The following MAN1C1 variants were observed in gnomAD, a reference collection of about 807,000 sequenced individuals.
MAN1C1 encodes the protein mannosyl-oligosaccharide 1,2-alpha-mannosidase IC.
Under a neutral mutation model 71.5 loss-of-function variants are expected in MAN1C1, and 49 were observed. That is an observed-to-expected ratio of 0.69 (90% CI 0.54 to 0.87). The LOEUF is 0.87. Ranked by LOEUF, MAN1C1 falls within the 40% of genes least tolerant of loss-of-function variation. The pLI, the probability that MAN1C1 is intolerant of heterozygous loss-of-function variation, is 0.00. For synonymous variants in MAN1C1, 352 were observed against 343.7 expected (o/e 1.02, Z -0.27); for missense variants, 743 against 835.0 (o/e 0.89, Z 1.36).
chr1:25,758,680 C>G lies in MAN1C1; in HGVS notation c.1018C>G (p.Leu340Val), dbSNP rs756989292. The G allele has an allele frequency of 1.9e-6, 3 of 1,614,154 alleles. No individual in the cohort carries two copies. The Admixed American group carries it at 5.0e-5, about 27-fold the overall frequency. The part of the protein sequence containing the change: ...LHLEFLHLTE[L>V]SGNQVFAEKV... ...CTTGGAATTCTTACACCTCACTGAA[C>G]TCTCTGGCAACCAGGTCTTCGCTGA... Residue 340 changes from leucine (L) to valine (V), a missense_variant, in exon 6 of 12, where the codon CTC becomes GTC. Leu to Val is a conservative substitution (Grantham distance 32). Coordinates refer to ENST00000374332, the MANE Select transcript of MAN1C1 (RefSeq NM_020379.4).
At position 25,783,824 on chromosome 1, in the gene MAN1C1, G is replaced by A. The variant is rs2047731937; in HGVS notation, c.*35G>A. Reference sequence around the variant, plus strand: ...CTGCCGCCGCCCTGGGGCCGCCGCAGGGATGCCTTGCCTTTTCAGGATTTG... The same window carrying A: ...CTGCCGCCGCCCTGGGGCCGCCGCAAGGATGCCTTGCCTTTTCAGGATTTG... On this transcript the variant is annotated 3_prime_UTR_variant, in exon 12 of 12. Coordinates refer to ENST00000374332, the MANE Select transcript of MAN1C1 (RefSeq NM_020379.4). 6.3e-7 allele frequency: 1 copy of A among 1,599,278 alleles called. No individual in the cohort carries two copies. Among genetic ancestry groups the A allele is most frequent in the Non-Finnish European group, 8.5e-7 (1 of 1,176,614 alleles).
chr1:25,745,238 G>A (rs539288563), intron 2 of MAN1C1, among the ~76,000 whole-genome samples: 1 of 152,166 alleles, frequency 6.6e-6, no homozygotes, highest in Non-Finnish European at 1.5e-5. Context: ...CCAGTGGTAG[G>A]GGCCAGGCCT....
intron 7 of MAN1C1, among the ~76,000 whole-genome samples, chr1:25,770,537 T>G (rs1388970718): frequency 6.6e-6 from 1 of 152,230 alleles, no homozygotes; most frequent in African/African-American, 2.4e-5. Flanking sequence ...ACCAGCTTGA[T>G]GGTCTTGGAT....
At chr1:25,765,012 C>T (rs1222286160) in intron 7 of MAN1C1, among the ~76,000 whole-genome samples, 1 of 152,008 alleles carries the variant, frequency 6.6e-6, no homozygotes, top group Admixed American at 6.5e-5. Flanking sequence ...CGCACCACTG[C>T]ACTTCAACCT....
At position 25,725,375 on chromosome 1, in the gene MAN1C1, A is replaced by T. The variant is rs1175548146; in HGVS notation, c.638-21293A>T. Among the ~76,000 whole-genome samples the T allele has an allele frequency of 6.6e-6, 1 of 152,180 alleles. No homozygotes were observed. The highest frequency in any genetic ancestry group is 1.5e-5 in the Non-Finnish European group (1 of 68,026). ...AGTTCTCTTCTTAGAGGAGGGATTC[A>T]CACGTAATTATGTGGTCAAAGTGCT... On this transcript the variant is annotated intron_variant, in intron 2 of 11. Transcript: ENST00000374332. The surrounding 1 kb of genome is among the most constrained non-coding windows in gnomAD (Gnocchi z 4.8).
intron 1 of MAN1C1, among the ~76,000 whole-genome samples, chr1:25,653,751 A>G (rs1270459120): frequency 1.3e-5 from 2 of 152,058 alleles, no homozygotes; most frequent in Non-Finnish European, 2.9e-5. Context: ...TCTTCCCTAG[A>G]GGGCAGGGGA....
At position 25,776,529 on chromosome 1, in the gene MAN1C1, G is replaced by A. The variant is rs2047621522; in HGVS notation, c.1258-1576G>A. On this transcript the variant is annotated intron_variant, in intron 8 of 11. Coordinates refer to ENST00000374332, the MANE Select transcript of MAN1C1 (RefSeq NM_020379.4). This position sits in a 1 kb window ranked among gnomAD's most constrained non-coding sequence, Gnocchi z 4.3. ...GATCATGCCACTGCACTTCAGCCTG[G>A]GTGACAGAGTAAGACTGTGTCTCAA... Among the ~76,000 whole-genome samples the A allele has an allele frequency of 6.6e-6, 1 of 151,032 alleles. No homozygotes were observed.
intron 8 of MAN1C1, among the ~76,000 whole-genome samples, chr1:25,774,080 G>A (rs1572212510): frequency 6.6e-6 from 1 of 152,274 alleles, no homozygotes; most frequent in East Asian, 1.9e-4. Flanking sequence ...ATCACCTGGA[G>A]AGCTTTAAAA....
At chr1:25,702,849 G>T (rs1335122968) in intron 2 of MAN1C1, among the ~76,000 whole-genome samples, 2 of 152,150 alleles carry the variant, frequency 1.3e-5, no homozygotes, top group Non-Finnish European at 2.9e-5. Flanking sequence ...AGGAGAGTTG[G>T]GTGGCATCTT....
At position 25,637,063 on chromosome 1, in the gene MAN1C1, G is replaced by A. The variant is rs188697442; in HGVS notation, c.540+18726G>A. On this transcript the variant is annotated intron_variant, in intron 1 of 11. Transcript: ENST00000374332. The stretch of plus-strand genomic sequence containing the variant: ...CCAGCTACTTGGCCGGCTGAGGCAG[G>A]AGAATCACCTGAACCAGGGAGATGA... Among the ~76,000 whole-genome samples, 224 of 152,192 alleles carry A rather than the reference G, an allele frequency of 1.5e-3. 3 individuals are homozygous for A. Among genetic ancestry groups the A allele is most frequent in the Non-Finnish European group, 2.9e-4 (20 of 68,010 alleles).
At position 25,782,759 on chromosome 1, in the gene MAN1C1, G is replaced by A. The variant is rs71638395; in HGVS notation, c.1766+59G>A. 15 of 1,236,392 alleles carry A rather than the reference G, an allele frequency of 1.2e-5. No homozygotes were observed. Among genetic ancestry groups the A allele is most frequent in the South Asian group, 9.7e-5 (8 of 82,098 alleles). 76.6% of individuals were successfully genotyped at this position (1,236,392 alleles called of 1,614,324 possible). On this transcript the variant is annotated intron_variant, in intron 11 of 11. Transcript: ENST00000374332. This position sits in a 1 kb window ranked among gnomAD's most constrained non-coding sequence, Gnocchi z 4.4. ...GGTGGGAGGTTGAGGGTAGGGGTCC[G>A]CAGTCCCTCCCCTCCACAGTCAGGT...
intron 1 of MAN1C1, among the ~76,000 whole-genome samples, chr1:25,680,124 G>A (rs545085242): frequency 6.6e-5 from 10 of 151,870 alleles, no homozygotes; most frequent in African/African-American, 2.2e-4. Context: ...GTGCAGTGGC[G>A]CAATCTCGGC....
intron 7 of MAN1C1, among the ~76,000 whole-genome samples, chr1:25,770,173 G>A (rs2047530875): frequency 6.6e-6 from 1 of 152,186 alleles, no homozygotes; most frequent in African/African-American, 2.4e-5. Context: ...GAAGGAGAGA[G>A]GTGCCACTTC....
intron 6 of MAN1C1, chr1:25,763,594 A>C: frequency 2.7e-6 from 1 of 369,220 alleles, no homozygotes; most frequent in Non-Finnish European, 5.0e-6. Context: ...GGAGTCGGCC[A>C]GGCAGTGGTT....
rs545418566 is a variant in MAN1C1 at position 25,776,434 on chromosome 1, AC to A, written c.1258-1668del. Among the ~76,000 whole-genome samples, 80 of 152,184 alleles carry A rather than the reference AC, an allele frequency of 5.3e-4. No individual in the cohort carries two copies. Among genetic ancestry groups the A allele is most frequent in the African/African-American group, 1.9e-3 (79 of 41,540 alleles). On this transcript the variant is annotated intron_variant, in intron 8 of 11. Coordinates refer to ENST00000374332, the MANE Select transcript of MAN1C1 (RefSeq NM_020379.4). This position sits in a 1 kb window ranked among gnomAD's most constrained non-coding sequence, Gnocchi z 4.3. The stretch of plus-strand genomic sequence containing the variant: ...GGGGTGGTGGCACACGCCTATAATT[AC>A]CCAGCTACTTGGGAGGCTGAGGCAC...
chr1:25,701,246 T>C (rs1215200551), intron 2 of MAN1C1, among the ~76,000 whole-genome samples: 2 of 152,196 alleles, frequency 1.3e-5, no homozygotes, highest in African/African-American at 2.4e-5. Context: ...TCAGGCACCA[T>C]GGGAAGGGTC....
chr1:25,665,327 C>T (rs189794674), intron 1 of MAN1C1, among the ~76,000 whole-genome samples: 23 of 152,180 alleles, frequency 1.5e-4, no homozygotes, highest in Admixed American at 1.4e-3. Context: ...TTTGCCATCA[C>T]AATATTATAA....
At chr1:25,660,031 T>C (rs2982309) in intron 1 of MAN1C1, among the ~76,000 whole-genome samples, 64,698 of 152,048 alleles carry the variant, frequency 0.43, 18,375 homozygotes, top group African/African-American at 0.79. Context: ...ACTATAAACT[T>C]GGGTTTGATT....
intron 2 of MAN1C1, among the ~76,000 whole-genome samples, chr1:25,690,804 G>A (rs372046432): frequency 6.6e-6 from 1 of 152,234 alleles, no homozygotes; most frequent in East Asian, 1.9e-4. Context: ...CCCGTGCCAG[G>A]CACAGAGCAG....
Sources: gnomAD v4.1 joint callset for allele counts (sites outside exome capture counted in the v4.1 genomes callset) on GRCh38, gnomAD v4.1.1 for gene constraint, Gnocchi (gnomAD v3.1) non-coding constraint, MANE v1.5 for transcripts, NCBI Gene and HGNC (gene_info 2026-07-23, HGNC 2026-07-21) for gene names.